S100B: variants seen among roughly 807,000 people sequenced by gnomAD.
S100B encodes the protein protein S100-B.
In S100B, 6 loss-of-function variants were observed where a neutral mutation model predicts 7.7. The ratio of observed to expected loss-of-function variants is 0.78; its 90% CI spans 0.43 to 1.54. The LOEUF is 1.54. Ranked by LOEUF, S100B falls within the 40% of genes most tolerant of loss-of-function variation. S100B has a pLI of 0.01. For missense variants in S100B, 99 were observed against 111.8 expected, an observed-to-expected ratio of 0.89 and a Z score of 0.52; for synonymous variants, 36 against 40.4, an observed-to-expected ratio of 0.89 and a Z score of 0.41.
At chr21:46,603,398 T>TGGGGGGAGGGGGGGCGGGGGGGGGGGGGG in intron 1 of S100B, among the ~76,000 whole-genome samples, 5 of 52,068 alleles carry the variant, frequency 9.6e-5, no homozygotes, top group African/African-American at 3.6e-4. Flanking sequence ...CGGGAGGGGG[T>TGGGGGGAGGGGGGGCGGGGGGGGGGGGGG]GGGGGCAGGA....
intron 2 of S100B, chr21:46,600,301 G>A (rs2072512701): frequency 2.4e-6 from 1 of 413,954 alleles, no homozygotes; most frequent in Admixed American, 2.6e-5. Context: ...CAGCACTTTG[G>A]GAAGCTAAGG....
intron 1 of S100B, among the ~76,000 whole-genome samples, chr21:46,603,398 T>TGGGGGGTGGGGGGGGCGGGGGGGGC: frequency 7.7e-5 from 4 of 52,126 alleles, no homozygotes; most frequent in Admixed American, 2.2e-4. Context: ...CGGGAGGGGG[T>TGGGGGGTGGGGGGGGCGGGGGGGGC]GGGGGCAGGA....
At chr21:46,600,406 G>C in intron 2 of S100B, 1 of 438,906 alleles carries the variant, frequency 2.3e-6, no homozygotes, top group Non-Finnish European at 4.6e-6. Context: ...AATTAGCTGG[G>C]CATGGTCCAT....
chr21:46,601,756 A>G (rs561043419), intron 2 of S100B, among the ~76,000 whole-genome samples: 12 of 152,388 alleles, frequency 7.9e-5, no homozygotes, highest in African/African-American at 2.9e-4. Context: ...CAGTTAAGCC[A>G]GTCATGGTCA....
intron 1 of S100B, among the ~76,000 whole-genome samples, chr21:46,603,345 G>C (rs987162600): frequency 8.0e-6 from 1 of 124,496 alleles, no homozygotes; most frequent in African/African-American, 3.0e-5. Context: ...TCCACCTCCA[G>C]TGTACCGAAA....
intron 2 of S100B, among the ~76,000 whole-genome samples, chr21:46,601,002 C>T (rs2061039830): frequency 6.6e-6 from 1 of 152,112 alleles, no homozygotes; most frequent in South Asian, 2.1e-4. Context: ...AAAACCAGTC[C>T]TGGAATCAGA....
In S100B at chr21:46,602,380, G is replaced by T; in HGVS notation, c.36C>A (p.Ile12=). The T allele has an allele frequency of 1.2e-6, 2 of 1,614,108 alleles. No individual in the cohort carries two copies. The highest frequency in any genetic ancestry group is 1.7e-6 in the Non-Finnish European group (2 of 1,180,004). ...TTCCAGAATATTGGTGGAAAACGTC[G>T]ATGAGGGCCACCATGGCCTTCTCCA... ...SELEKAMVAL[I]DVFHQYSGRE... is the part of the protein sequence containing the mutation. The change falls in exon 2 of 3, where the codon ATC becomes ATA. Residue 12 remains isoleucine (I), a synonymous_variant. Transcript: ENST00000291700.
chr21:46,603,392 A>AGGGGGTGGGGGGTGGGGGGGGCGGGGG lies in S100B; in HGVS notation c.-1-977_-1-976insCCCCCGCCCCCCCCACCCCCCACCCCC, dbSNP rs796474856. ...TCACTGCAGTGACTGGGACGGCGGG[A>AGGGGGTGGGGGGTGGGGGGGGCGGGGG]GGGGGTGGGGGCAGGAATAGGTGTT... On this transcript the variant is annotated intron_variant, in intron 1 of 2. Transcript: ENST00000291700. Among the ~76,000 whole-genome samples, 212 of 38,214 alleles carry AGGGGGTGGGGGGTGGGGGGGGCGGGGG rather than the reference A, an allele frequency of 5.5e-3. 5 individuals are homozygous for AGGGGGTGGGGGGTGGGGGGGGCGGGGG. The highest frequency in any genetic ancestry group is 0.027 in the Middle Eastern group (2 of 74). The allele number at this position is 38,214 out of a possible 152,430, so 25.1% of individuals were successfully genotyped here.
chr21:46,602,561 TGGAGGGGCATTCTG>T, intron 1 of S100B, 145 bp from the exon 2 acceptor site: 1 of 748,910 alleles, frequency 1.3e-6, no homozygotes. Flanking sequence ...AGGCATGGCC[TGGAGGGGCATTCTG>T]GGAATTTGCA....
intron 1 of S100B, among the ~76,000 whole-genome samples, chr21:46,604,236 A>G (rs565014009): frequency 5.1e-4 from 78 of 152,322 alleles, no homozygotes; most frequent in African/African-American, 1.9e-3. Flanking sequence ...TTGATGGTTT[A>G]TAGTTTATCT....
At chr21:46,600,346 C>G (rs1050932239) in intron 2 of S100B, 3 of 436,588 alleles carry the variant, frequency 6.9e-6, no homozygotes, top group Non-Finnish European at 1.4e-5. Flanking sequence ...AGTTTGAGAC[C>G]AGCCTGGGCA....
chr21:46,604,280 T>C (rs959170576), intron 1 of S100B, among the ~76,000 whole-genome samples: 8 of 152,256 alleles, frequency 5.3e-5, no homozygotes, highest in African/African-American at 1.7e-4. Context: ...TCCGTTTCTT[T>C]CTCACATTCT....
At position 46,599,079 on chromosome 21, in the gene S100B, G is replaced by T; in HGVS notation, c.*284C>A. Reference sequence around the variant, plus strand: ...CTACACGGCCATGGCGGGCTGCACGGTGCACGCTTTATCACTGAGACCTGA... The same window carrying T: ...CTACACGGCCATGGCGGGCTGCACGTTGCACGCTTTATCACTGAGACCTGA... On this transcript the variant is annotated 3_prime_UTR_variant, in exon 3 of 3. Coordinates refer to ENST00000291700, the MANE Select transcript of S100B (RefSeq NM_006272.3). 1 of 449,378 alleles carries T rather than the reference G, an allele frequency of 2.2e-6. No individual in the cohort carries two copies. The highest frequency in any genetic ancestry group is 3.9e-6 in the Non-Finnish European group (1 of 254,076). The allele number at this position is 449,378 out of a possible 1,614,324, so 27.8% of individuals were successfully genotyped here.
chr21:46,603,260 A>T (rs2061046633), intron 1 of S100B, among the ~76,000 whole-genome samples: 1 of 151,762 alleles, frequency 6.6e-6, no homozygotes, highest in African/African-American at 2.4e-5. Flanking sequence ...TCCTAAGTTT[A>T]ACTGATCAAA....
rs111600424 is a variant in S100B at position 46,604,766 on chromosome 21, C to T, written c.-2+247G>A. Among the ~76,000 whole-genome samples the T allele has an allele frequency of 3.8e-3, 575 of 152,280 alleles. 2 individuals are homozygous for T. Among genetic ancestry groups the T allele is most frequent in the South Asian group, 7.7e-3 (37 of 4,828 alleles). ...AACAATCACTTCTGGGCCATGAAAC[C>T]TGACGTTTCTCTGATTTATGGCAAA... On this transcript the variant is annotated intron_variant, in intron 1 of 2. Coordinates refer to ENST00000291700, the MANE Select transcript of S100B (RefSeq NM_006272.3).
chr21:46,605,015 C>T lies in S100B; in HGVS notation c.-4G>A, dbSNP rs1416718825. 1 of 152,586 alleles carries T rather than the reference C, an allele frequency of 6.6e-6. No homozygotes were observed. The highest frequency in any genetic ancestry group is 6.5e-5 in the Admixed American group (1 of 15,286). The allele number at this position is 152,586 out of a possible 1,614,324, so 9.5% of individuals were successfully genotyped here. ...CTCTTGGCCTGGCTCTTTCTCACCTCTTCCTTGTCTCACCCCTTCCTGGTC... is the reference window on the plus strand; with the variant it reads ...CTCTTGGCCTGGCTCTTTCTCACCTTTTCCTTGTCTCACCCCTTCCTGGTC... On this transcript the variant is annotated splice_region_variant and 5_prime_UTR_variant, in exon 1 of 3. Coordinates refer to ENST00000291700, the MANE Select transcript of S100B (RefSeq NM_006272.3).
Position 46,598,884 on chromosome 21 carries a change from G to C in S100B, c.*479C>G, listed in dbSNP as rs1216281290. 6.4e-6 allele frequency: 1 copy of C among 155,046 alleles called. No homozygotes were observed. Among genetic ancestry groups the C allele is most frequent in the African/African-American group, 2.4e-5 (1 of 41,508 alleles). The allele number at this position is 155,046 out of a possible 1,614,324, so 9.6% of individuals were successfully genotyped here. Reference sequence around the variant, plus strand: ...AGCAGGCCGAAGCCACCACGCCCTTGCAGGGCCACACCGGCCAACCAGCTG... The same window carrying C: ...AGCAGGCCGAAGCCACCACGCCCTTCCAGGGCCACACCGGCCAACCAGCTG... On this transcript the variant is annotated 3_prime_UTR_variant, in exon 3 of 3. Transcript: ENST00000291700.
In S100B at chr21:46,603,236, G is replaced by GA. The variant is rs1014249876; in HGVS notation, c.-1-821dup. ...CAGTGAAAGTTATTTGATCTACCAG[G>GA]AAAAAAAAATGTATCCTAAGTTTAA... On this transcript the variant is annotated intron_variant, in intron 1 of 2. Coordinates refer to ENST00000291700, the MANE Select transcript of S100B (RefSeq NM_006272.3). Among the ~76,000 whole-genome samples the GA allele has an allele frequency of 4.3e-4, 65 of 150,020 alleles. No individual in the cohort carries two copies. In the East Asian group the frequency reaches 7.6e-3, roughly 18 times the overall value.
chr21:46,601,728 A>G (rs2061041813), intron 2 of S100B, among the ~76,000 whole-genome samples: 1 of 152,234 alleles, frequency 6.6e-6, no homozygotes, highest in Admixed American at 6.5e-5. Flanking sequence ...GGATGTGTAC[A>G]GACCCCTGTC....
Sources: allele counts gnomAD v4.1 joint callset (sites outside exome capture counted in the v4.1 genomes callset), GRCh38; gene constraint gnomAD v4.1.1; transcripts MANE v1.5; gene names NCBI Gene and HGNC (gene_info 2026-07-23, HGNC 2026-07-21).